Variants in CCDC88A observed in about 807,000 individuals in gnomAD.
CCDC88A encodes coiled-coil and HOOK domain protein 88A.
A neutral mutation model predicts 234.3 loss-of-function variants in CCDC88A; 54 were observed. The ratio of observed to expected loss-of-function variants is 0.23; its 90% CI spans 0.19 to 0.29. The LOEUF (loss-of-function observed/expected upper bound fraction) is 0.29. CCDC88A is among the 10% of genes least tolerant of loss of function. The pLI, the probability that CCDC88A is intolerant of heterozygous loss-of-function variation, is 1.00. For synonymous variants in CCDC88A, 753 were observed against 737.8 expected (o/e 1.02, Z -0.33); for missense variants, 1,832 against 2,123.4 (o/e 0.86, Z 2.70).
In CCDC88A at chr2:55,308,844, T is replaced by A; in HGVS notation, c.4352A>T (p.Glu1451Val). 6.2e-7 allele frequency: 1 copy of A among 1,614,182 alleles called. No homozygotes were observed. Among genetic ancestry groups the A allele is most frequent in the Non-Finnish European group, 8.5e-7 (1 of 1,180,018 alleles). The change falls in exon 25 of 33, where the codon GAA (glutamate) becomes GTA (valine). Residue 1451 changes from glutamate (E) to valine (V), a missense_variant. Around this residue, in one of 6 missense-constraint regions of CCDC88A, gnomAD observed 1,282 missense variants for 1,543.6 expected, o/e 0.83. Transcript: ENST00000436346. ...CTTGGTCCCCAAGGTCTGGCCATCT[T>A]CTAAAGAGTTTGAACCTACTGAAGA... ...DSSSVGSNSL[E>V]DGQTLGTKKS...
intron 10 of CCDC88A, 107 bp downstream of exon 10, chr2:55,346,068 G>A: frequency 4.2e-6 from 3 of 722,692 alleles, no homozygotes; most frequent in East Asian, 5.5e-5. Context: ...TGTATTTACT[G>A]TTTGTTCACC....
intron 7 of CCDC88A, among the ~76,000 whole-genome samples, chr2:55,360,760 T>C (rs1313045935): frequency 2.0e-5 from 3 of 152,202 alleles, no homozygotes; most frequent in East Asian, 3.9e-4. Context: ...CAGCCTGAGA[T>C]CAAACATTTT....
At chr2:55,395,179 T>C (rs769040158) in intron 2 of CCDC88A, among the ~76,000 whole-genome samples, 1 of 152,234 alleles carries the variant, frequency 6.6e-6, no homozygotes, top group Non-Finnish European at 1.5e-5. Context: ...TCTCTCACTA[T>C]GTTGCTCAGG....
At chr2:55,346,830 T>C (rs1327266546) in intron 9 of CCDC88A, among the ~76,000 whole-genome samples, 1 of 152,208 alleles carries the variant, frequency 6.6e-6, no homozygotes, top group Non-Finnish European at 1.5e-5. Context: ...AAACTTTTTT[T>C]CCATTATCGT....
chr2:55,370,152 G>T (rs1223463331), intron 5 of CCDC88A, among the ~76,000 whole-genome samples: 2 of 152,026 alleles, frequency 1.3e-5, no homozygotes, highest in Non-Finnish European at 2.9e-5. Flanking sequence ...ATGACTACAT[G>T]GACATAAAAT....
At chr2:55,386,117 G>A (rs988193263) in intron 3 of CCDC88A, among the ~76,000 whole-genome samples, 1 of 151,866 alleles carries the variant, frequency 6.6e-6, no homozygotes, top group African/African-American at 2.4e-5. Context: ...CAGCTACTCA[G>A]GAGGCTGAGA....
chr2:55,294,533 T>A (rs1281799487), intron 31 of CCDC88A: 3 of 978,092 alleles, frequency 3.1e-6, no homozygotes, highest in Admixed American at 6.2e-5. Context: ...CCTAATTAAA[T>A]GACAAAAGAA....
rs1371315978 is a variant in CCDC88A at position 55,289,682 on chromosome 2, GCT to G, written c.*1516_*1517del. 1 of 151,922 alleles carries G rather than the reference GCT, an allele frequency of 6.6e-6. No homozygotes were observed. 9.4% of individuals were successfully genotyped at this position (151,922 alleles called of 1,614,324 possible). The stretch of plus-strand genomic sequence containing the variant: ...CTAAGTTCCATTTCAATTTAAACAT[GCT>G]CTCTTTTTTATTGATGGTCTTTTGG... On this transcript the variant is annotated 3_prime_UTR_variant, in exon 33 of 33. Transcript: ENST00000436346.
At chr2:55,418,499 T>G in intron 2 of CCDC88A, 1 of 305,136 alleles carries the variant, frequency 3.3e-6, no homozygotes, top group Non-Finnish European at 6.1e-6. Context: ...GGAAACCAGA[T>G]TCTCATTTTC....
At chr2:55,361,267 T>C (rs1375969229) in intron 7 of CCDC88A, among the ~76,000 whole-genome samples, 1 of 152,106 alleles carries the variant, frequency 6.6e-6, no homozygotes, top group African/African-American at 2.4e-5. Context: ...AAAGATAGCA[T>C]AGAGTTAAAA....
chr2:55,346,733 T>A (rs1180244825), intron 9 of CCDC88A, among the ~76,000 whole-genome samples: 8 of 152,152 alleles, frequency 5.3e-5, no homozygotes, highest in Admixed American at 2.6e-4. Context: ...AAATTTACTT[T>A]AAAAATCAAA....
rs1263570178 is a variant in CCDC88A at position 55,288,323 on chromosome 2, TAAAGAA to T, written c.*2871_*2876del. On this transcript the variant is annotated 3_prime_UTR_variant, in exon 33 of 33. Coordinates refer to ENST00000436346, the MANE Select transcript of CCDC88A (RefSeq NM_001365480.1). ...GCTCCTTTTGTATTCATTCAAGACTTAAAGAAAAAATACATCTCAGGACTAAGTGTA... is the reference window on the plus strand; with the variant it reads ...GCTCCTTTTGTATTCATTCAAGACTTAAAATACATCTCAGGACTAAGTGTA... 1 of 152,494 alleles carries T rather than the reference TAAAGAA, an allele frequency of 6.6e-6. No individual in the cohort carries two copies. Among genetic ancestry groups the T allele is most frequent in the Non-Finnish European group, 1.5e-5 (1 of 67,978 alleles). The allele number at this position is 152,494 out of a possible 1,614,324, so 9.4% of individuals were successfully genotyped here.
chr2:55,362,158 T>A (rs1000976495), intron 7 of CCDC88A, 150 bp downstream of exon 7: 5 of 542,762 alleles, frequency 9.2e-6, no homozygotes, highest in Non-Finnish European at 1.6e-5. Flanking sequence ...TTCTTATACA[T>A]CCTTTCAGGT....
chr2:55,406,390 GT>G (rs935178999), intron 2 of CCDC88A, among the ~76,000 whole-genome samples: 1 of 152,094 alleles, frequency 6.6e-6, no homozygotes, highest in Non-Finnish European at 1.5e-5. Context: ...TAGATTGGGG[GT>G]TTTGTCTTTC....
intron 25 of CCDC88A, 179 bp downstream of exon 25, chr2:55,308,630 G>A (rs1361185690): frequency 5.1e-6 from 3 of 583,280 alleles, no homozygotes; most frequent in South Asian, 2.2e-5. Context: ...ATCTGTGTAT[G>A]ATTTACCTCA....
At chr2:55,348,140 T>G (rs1049518582) in intron 9 of CCDC88A, among the ~76,000 whole-genome samples, 3 of 152,110 alleles carry the variant, frequency 2.0e-5, no homozygotes, top group African/African-American at 7.2e-5. Flanking sequence ...ATTTTTTCAT[T>G]TTTTTGTAGC....
intron 3 of CCDC88A, among the ~76,000 whole-genome samples, chr2:55,385,506 C>G (rs919314424): frequency 6.6e-6 from 1 of 151,966 alleles, no homozygotes; most frequent in Non-Finnish European, 1.5e-5. Flanking sequence ...TTGAAAGATA[C>G]CAGATTAGAA....
intron 10 of CCDC88A, 62 bp from the exon 11 acceptor site, chr2:55,344,576 A>G: frequency 7.3e-6 from 7 of 959,706 alleles, no homozygotes; most frequent in Non-Finnish European, 1.0e-5. Context: ...TGGAACATAC[A>G]GATTATCATA....
chr2:55,346,108 G>A (rs1669078330), intron 10 of CCDC88A, 67 bp downstream of exon 10: 3 of 1,093,804 alleles, frequency 2.7e-6, no homozygotes, highest in African/African-American at 1.6e-5. Flanking sequence ...TTTATTAACT[G>A]CATTTTAAAT....
Sources: allele counts gnomAD v4.1 joint callset (sites outside exome capture counted in the v4.1 genomes callset), GRCh38; gene constraint gnomAD v4.1.1; regional missense constraint gnomAD v4.1.1; transcripts MANE v1.5; gene names NCBI Gene and HGNC (gene_info 2026-07-23, HGNC 2026-07-21).